The following IFT172 variants were observed in gnomAD, a reference collection of about 807,000 sequenced individuals.
IFT172 encodes the protein intraflagellar transport 172.
Under a neutral mutation model 248.9 loss-of-function variants are expected in IFT172, and 164 were observed. The observed-to-expected ratio is 0.66, with a 90% CI of 0.58 to 0.75. IFT172 has a LOEUF of 0.75. Among genes scored for constraint, IFT172 ranks in the 30% least tolerant of loss-of-function variants. IFT172 has a pLI of 0.00. For synonymous variants in IFT172, 729 were observed against 791.6 expected, an observed-to-expected ratio of 0.92 and a Z score of 1.33; for missense variants, 1,950 against 2,192.4, an observed-to-expected ratio of 0.89 and a Z score of 2.21.
In IFT172 at chr2:27,445,047, C is replaced by T. The variant is rs868208741; in HGVS notation, c.5127G>A (p.Lys1709=). 4 of 1,614,000 alleles carry T rather than the reference C, an allele frequency of 2.5e-6. No individual in the cohort carries two copies. The highest frequency in any genetic ancestry group is 1.6e-4 in the Middle Eastern group (1 of 6,062). The part of the protein sequence containing the change: ...EFKRPGKAAN[K]DNWNKFLMAI... ...CCATAAGGAATTTATTCCAGTTGTC[C>T]TTGTTAGCAGCCTTCCCTGGCCGCT... is the stretch of plus-strand genomic sequence containing the variant. The change falls in exon 47 of 48, where the codon AAG becomes AAA. Residue 1709 remains lysine (K), a synonymous_variant. Coordinates refer to ENST00000260570, the MANE Select transcript of IFT172 (RefSeq NM_015662.3). The surrounding 1 kb of genome is among the most constrained non-coding windows in gnomAD (Gnocchi z 4.4).
At position 27,459,373 on chromosome 2, in the gene IFT172, C is replaced by T. The variant is rs766685149; in HGVS notation, c.2787+5G>A. On this transcript the variant is annotated splice_donor_5th_base_variant and intron_variant, in intron 25 of 47. Transcript: ENST00000260570. The stretch of plus-strand genomic sequence containing the variant: ...CTCGTGCTGCGGAAAGGGACTCTTC[C>T]TCACCTCATACTCCTGCAGGGATGC... 5 of 1,614,022 alleles carry T rather than the reference C, an allele frequency of 3.1e-6. No homozygotes were observed. In the South Asian group the frequency reaches 5.5e-5, roughly 18 times the overall value.
intron 35 of IFT172, 30 bp from the exon 36 acceptor site, chr2:27,450,126 G>A: frequency 6.5e-7 from 1 of 1,531,036 alleles, no homozygotes. Flanking sequence ...ATGGAAATGG[G>A]TAGGAGAGAC....
rs375251963 is a variant in IFT172, at chr2:27,444,383, A to G, written c.*49T>C. 3.3e-6 allele frequency: 4 copies of G among 1,219,268 alleles called. No individual in the cohort carries two copies. The African/African-American group carries it at 6.0e-5, about 18-fold the overall frequency. The allele number at this position is 1,219,268 out of a possible 1,614,324, so 75.5% of individuals were successfully genotyped here. On this transcript the variant is annotated 3_prime_UTR_variant, in exon 48 of 48. Coordinates refer to ENST00000260570, the MANE Select transcript of IFT172 (RefSeq NM_015662.3). ...AAGAATACAGTGGTCTCAATTATTT[A>G]TAAAACTTTAATGAGGGAGAGGCCC...
chr2:27,461,648 A>C (rs889164979), intron 21 of IFT172, 111 bp downstream of exon 21: 6 of 1,521,956 alleles, frequency 3.9e-6, no homozygotes, highest in Non-Finnish European at 5.4e-6. Flanking sequence ...TCACCACATC[A>C]AGTCCAAGCC....
In IFT172 at chr2:27,465,131, A is replaced by G; in HGVS notation, c.1937+280T>C. ...GAGACGGGGTTTCACCATGTTGGCC[A>G]GGCTGGTCTTGAACTCCTGACCTTG... On this transcript the variant is annotated intron_variant, in intron 18 of 47. Transcript: ENST00000260570. 3 of 358,978 alleles carry G rather than the reference A, an allele frequency of 8.4e-6. No homozygotes were observed. The South Asian group carries it at 1.3e-4, about 16-fold the overall frequency. The allele number at this position is 358,978 out of a possible 1,614,324, so 22.2% of individuals were successfully genotyped here. A position where few individuals can be genotyped will look rare whatever the true frequency, so the allele number is the denominator to read the frequency against.
Position 27,471,841 on chromosome 2 carries a change from C to A in IFT172, c.1524+409G>T, listed in dbSNP as rs1667594628. The stretch of plus-strand genomic sequence containing the variant: ...GGCCAGGAGGTCAGGAGTTCGAGAC[C>A]AGCCTGGCCAACATGGTGAAAACCC... On this transcript the variant is annotated intron_variant, in intron 15 of 47. Coordinates refer to ENST00000260570, the MANE Select transcript of IFT172 (RefSeq NM_015662.3). 3 of 236,296 alleles carry A rather than the reference C, an allele frequency of 1.3e-5. No individual in the cohort carries two copies. In the South Asian group the frequency reaches 3.0e-4, roughly 23 times the overall value. The allele number at this position is 236,296 out of a possible 1,614,324, so 14.6% of individuals were successfully genotyped here. A position where few individuals can be genotyped will look rare whatever the true frequency, so the allele number is the denominator to read the frequency against.
Position 27,449,334 on chromosome 2 carries a change from T to C in IFT172, c.4271A>G (p.Gln1424Arg). Residue 1424 changes from glutamine to arginine, a missense_variant, in exon 39 of 48, where the codon CAG becomes CGG. Physicochemically the swap from Gln to Arg is conservative, Grantham distance 43. Around this residue, in one of 3 missense-constraint regions of IFT172, gnomAD observed 620 missense variants for 699.0 expected, o/e 0.89. Coordinates refer to ENST00000260570, the MANE Select transcript of IFT172 (RefSeq NM_015662.3). Reference sequence around the variant, plus strand: ...TTCAATGCACTTGTCCCACTGGCCCTGCTCCACATACAGGTCCAAAGCAGC... The same window carrying C: ...TTCAATGCACTTGTCCCACTGGCCCCGCTCCACATACAGGTCCAAAGCAGC... ...VIAALDLYVE[Q>R]GQWDKCIETA... is the part of the protein sequence containing the mutation. 1 of 1,614,174 alleles carries C rather than the reference T, an allele frequency of 6.2e-7. No homozygotes were observed. The highest frequency in any genetic ancestry group is 2.2e-5 in the East Asian group (1 of 44,878).
Position 27,463,166 on chromosome 2 carries a change from C to T in IFT172, c.1953G>A (p.Leu651=). Residue 651 remains leucine (L), a synonymous_variant, in exon 19 of 48, where the codon TTG becomes TTA. Transcript: ENST00000260570. The part of the protein sequence containing the change: ...LHIAERCFSA[L]GQVAKARFLH... ...GGAATCGAGCTTTTGCTACTTGGCC[C>T]AAAGCAGAAAAGCACCTATGGCATG... The T allele has an allele frequency of 6.2e-7, 1 of 1,613,974 alleles. No individual in the cohort carries two copies. Among genetic ancestry groups the T allele is most frequent in the Non-Finnish European group, 8.5e-7 (1 of 1,179,972 alleles).
Position 27,454,078 on chromosome 2 carries a change from T to C in IFT172, c.3615A>G (p.Gly1205=), listed in dbSNP as rs768132019. 8.7e-6 allele frequency: 14 copies of C among 1,614,072 alleles called. No individual in the cohort carries two copies. The highest frequency in any genetic ancestry group is 1.2e-5 in the Non-Finnish European group (14 of 1,180,022). Residue 1205 remains glycine, a synonymous_variant, in exon 33 of 48, where the codon GGA becomes GGG. Transcript: ENST00000260570. This position sits in a 1 kb window ranked among gnomAD's most constrained non-coding sequence, Gnocchi z 4.2. ...TCTCCTCCAAGGCCCCCCGGGCCTG[T>C]CCCACAAGCACCTCGGCGACACTGT... ...DPDSVAEVLV[G]QARGALEEKD... is the part of the protein sequence containing the mutation.
At chr2:27,446,383 T>G in intron 42 of IFT172, 28 bp from the exon 43 acceptor site, 2 of 1,603,300 alleles carry the variant, frequency 1.2e-6, no homozygotes, top group Non-Finnish European at 1.7e-6. Context: ...GCATTATGAA[T>G]ATGGCACTAA....
At position 27,485,497 on chromosome 2, in the gene IFT172, C is replaced by G. The variant is rs1446973289; in HGVS notation, c.46G>C (p.Ala16Pro). 6 of 1,613,882 alleles carry G rather than the reference C, an allele frequency of 3.7e-6. No homozygotes were observed. The highest frequency in any genetic ancestry group is 5.1e-6 in the Non-Finnish European group (6 of 1,179,910). The change falls in exon 2 of 48, where the codon GCT becomes CCT. Residue 16 changes from alanine (A) to proline (P), a missense_variant. This residue lies in a region of IFT172 where 1,166 missense variants were observed against 1,254.1 expected (regional missense o/e 0.93). Coordinates refer to ENST00000260570, the MANE Select transcript of IFT172 (RefSeq NM_015662.3). Reference protein sequence around the residue: ...LRTLLSPQDGAAKVTCMAWSQ... With the variant: ...LRTLLSPQDGPAKVTCMAWSQ... ...CAAGCCATGCAGGTCACCTTTGCAG[C>G]TCCATCCTGTAGAGGCAAAGGGGTA...
chr2:27,470,987 T>C lies in IFT172; in HGVS notation c.1633A>G (p.Ser545Gly). The C allele has an allele frequency of 6.2e-7, 1 of 1,613,966 alleles. No individual in the cohort carries two copies. Among genetic ancestry groups the C allele is most frequent in the Non-Finnish European group, 8.5e-7 (1 of 1,179,978 alleles). Residue 545 changes from serine to glycine, a missense_variant, in exon 16 of 48, where the codon AGT (serine) becomes GGT (glycine). By Grantham distance (56) the Ser-to-Gly change is moderately conservative. Around this residue, in one of 3 missense-constraint regions of IFT172, gnomAD observed 1,166 missense variants for 1,254.1 expected, o/e 0.93. Coordinates refer to ENST00000260570, the MANE Select transcript of IFT172 (RefSeq NM_015662.3). ...SDVLVAQNRN[S>G]LCVWYNIEAP... ...TCAATGTTGTACCATACACACAGAC[T>C]GTTTCGGTTCTGAGCTACCAGCACG...
At chr2:27,459,181 G>A in intron 25 of IFT172, 197 bp downstream of exon 25, 1 of 667,230 alleles carries the variant, frequency 1.5e-6, no homozygotes, top group Non-Finnish European at 2.5e-6. Context: ...TTATATATCT[G>A]GGGTGAAGGG....
In IFT172 at chr2:27,465,709, C is replaced by G. The variant is rs1647275; in HGVS notation, c.1829+37G>C. On this transcript the variant is annotated intron_variant, in intron 17 of 47. Coordinates refer to ENST00000260570, the MANE Select transcript of IFT172 (RefSeq NM_015662.3). The stretch of plus-strand genomic sequence containing the variant: ...GGTCCTCCCCTCTCAGAACCAGACT[C>G]TCCCACCACCTCACTGGTTATTGGC... 6.5e-3 allele frequency: 10,455 copies of G among 1,613,378 alleles called. 581 individuals carry two copies. The African/African-American group carries it at 0.12, about 19-fold the overall frequency.
chr2:27,451,569 C>T (rs1450753719), intron 35 of IFT172, among the ~76,000 whole-genome samples: 1 of 152,060 alleles, frequency 6.6e-6, no homozygotes, highest in African/African-American at 2.4e-5. Context: ...GGAGACCATC[C>T]TGGCTAACAC....
intron 29 of IFT172, 107 bp downstream of exon 29, chr2:27,457,532 A>T: frequency 1.1e-6 from 1 of 936,442 alleles, no homozygotes; most frequent in Non-Finnish European, 1.7e-6. Flanking sequence ...CCATAATTGC[A>T]CCACTGCACT....
intron 1 of IFT172, among the ~76,000 whole-genome samples, chr2:27,489,207 C>A (rs916879923): frequency 6.6e-6 from 1 of 152,220 alleles, no homozygotes; most frequent in Non-Finnish European, 1.5e-5. Context: ...CCCAGCCTCT[C>A]CTGAATCAGA....
chr2:27,464,328 A>C (rs1666911635), intron 18 of IFT172, among the ~76,000 whole-genome samples: 1 of 152,186 alleles, frequency 6.6e-6, no homozygotes, highest in South Asian at 2.1e-4. Flanking sequence ...CTTCTTTATC[A>C]TCATATGAGG....
At chr2:27,469,073 G>GA (rs1667346091) in intron 16 of IFT172, among the ~76,000 whole-genome samples, 3 of 152,074 alleles carry the variant, frequency 2.0e-5, no homozygotes, top group Admixed American at 2.0e-4. Flanking sequence ...ATGAAAAACT[G>GA]AAAATTTATC....
Sources: allele counts gnomAD v4.1 joint callset (sites outside exome capture counted in the v4.1 genomes callset), GRCh38; gene constraint gnomAD v4.1.1; regional missense constraint gnomAD v4.1.1; non-coding constraint Gnocchi (gnomAD v3.1); transcripts MANE v1.5; gene names NCBI Gene and HGNC (gene_info 2026-07-23, HGNC 2026-07-21).